TNIK: variants seen among roughly 807,000 people sequenced by gnomAD.
TNIK encodes the protein TRAF2 and NCK-interacting protein kinase.
A neutral mutation model predicts 191.3 loss-of-function variants in TNIK; 49 were observed. The observed-to-expected ratio is 0.26, with a 90% CI of 0.20 to 0.32. TNIK has a LOEUF of 0.32. Ranked by LOEUF, TNIK falls within the 10% of genes least tolerant of loss-of-function variation. The pLI is 1.00. For synonymous variants in TNIK, 594 were observed against 600.9 expected, an observed-to-expected ratio of 0.99 and a Z score of 0.17; for missense variants, 1,155 against 1,702.3, an observed-to-expected ratio of 0.68 and a Z score of 5.66.
intron 1 of TNIK, among the ~76,000 whole-genome samples, chr3:171,417,882 T>C (rs1723289541): frequency 6.6e-6 from 1 of 152,174 alleles, no homozygotes; most frequent in East Asian, 1.9e-4. Flanking sequence ...CCAGATAGAC[T>C]TCAGCCAGTG....
rs988528622 is a variant in TNIK at position 171,094,166 on chromosome 3, G to A, written c.2592-198C>T. On this transcript the variant is annotated intron_variant, in intron 22 of 32. Transcript: ENST00000436636. The stretch of plus-strand genomic sequence containing the variant: ...TTTTTTTTTTTTGAGAAGGAGTCTC[G>A]CCTTGTCGCCCAGGCTGGAGTGCAG... Among the ~76,000 whole-genome samples, 5 of 149,996 alleles carry A rather than the reference G, an allele frequency of 3.3e-5. No individual in the cohort carries two copies. In the East Asian group the frequency reaches 5.8e-4, roughly 18 times the overall value.
At chr3:171,098,491 T>C (rs1723025248) in intron 22 of TNIK, among the ~76,000 whole-genome samples, 1 of 152,172 alleles carries the variant, frequency 6.6e-6, no homozygotes, top group African/African-American at 2.4e-5. Flanking sequence ...GAATACAAAC[T>C]TAGTTAAGTG....
rs1437027084 is a variant in TNIK, at chr3:171,460,167, C to T, written c.-104G>A. On this transcript the variant is annotated 5_prime_UTR_variant, in exon 1 of 33. Transcript: ENST00000436636. This position sits in a 1 kb window ranked among gnomAD's most constrained non-coding sequence, Gnocchi z 6.8. ...CTCGCGTCCTCATGCGGGTGTCGCG[C>T]CAGAGGCCCCGGGCCCAGCCTCCCC... The T allele has an allele frequency of 7.0e-7, 1 of 1,435,658 alleles. No homozygotes were observed. Among genetic ancestry groups the T allele is most frequent in the Non-Finnish European group, 9.5e-7 (1 of 1,053,090 alleles). 88.9% of individuals were successfully genotyped at this position (1,435,658 alleles called of 1,614,324 possible).
intron 5 of TNIK, among the ~76,000 whole-genome samples, chr3:171,193,395 A>T (rs1306412481): frequency 1.3e-5 from 2 of 152,244 alleles, no homozygotes; most frequent in African/African-American, 4.8e-5. Flanking sequence ...CCATGGATCA[A>T]ACTGGGTAGA....
At position 171,268,759 on chromosome 3, in the gene TNIK, T is replaced by C. The variant is rs192538496; in HGVS notation, c.124-40538A>G. ...GGGTGGTGTGCTGCAAGGGAAGGCA[T>C]TGGACAGGCCAGAGGTCCAGGCTCC... On this transcript the variant is annotated intron_variant, in intron 2 of 32. Transcript: ENST00000436636. Among the ~76,000 whole-genome samples, 404 of 152,148 alleles carry C rather than the reference T, an allele frequency of 2.7e-3. 1 individual carries two copies. The highest frequency in any genetic ancestry group is 8.6e-3 in the African/African-American group (359 of 41,508).
chr3:171,271,758 T>C (rs1749129929), intron 2 of TNIK, among the ~76,000 whole-genome samples: 1 of 152,210 alleles, frequency 6.6e-6, no homozygotes, highest in Non-Finnish European at 1.5e-5. Flanking sequence ...TGCTACAACC[T>C]ATTATATATA....
intron 12 of TNIK, among the ~76,000 whole-genome samples, chr3:171,149,608 T>C (rs957308181): frequency 3.9e-5 from 6 of 152,028 alleles, no homozygotes; most frequent in Admixed American, 6.6e-5. Context: ...GGAGGTGGGG[T>C]TCCTTATATC....
intron 1 of TNIK, among the ~76,000 whole-genome samples, chr3:171,398,098 T>C (rs1191395381): frequency 6.6e-6 from 1 of 152,208 alleles, no homozygotes; most frequent in African/African-American, 2.4e-5. Context: ...CAAAACACAA[T>C]TTTCCCATTT....
At chr3:171,454,271 T>C (rs1017685350) in intron 1 of TNIK, among the ~76,000 whole-genome samples, 1 of 152,028 alleles carries the variant, frequency 6.6e-6, no homozygotes, top group Non-Finnish European at 1.5e-5. Flanking sequence ...CCACTATCAC[T>C]GAGAGAAGGA....
intron 2 of TNIK, among the ~76,000 whole-genome samples, chr3:171,344,505 T>G (rs1420372299): frequency 6.6e-6 from 1 of 152,144 alleles, no homozygotes; most frequent in Non-Finnish European, 1.5e-5. Context: ...CATTCAAATT[T>G]GGAAAGCTGT....
At chr3:171,364,000 C>A (rs1404569849) in intron 2 of TNIK, among the ~76,000 whole-genome samples, 4 of 152,238 alleles carry the variant, frequency 2.6e-5, no homozygotes, top group Middle Eastern at 3.4e-3. Context: ...TAAATGATTA[C>A]AAAAAGTATA....
chr3:171,296,126 T>G (rs1752264099), intron 2 of TNIK, among the ~76,000 whole-genome samples: 1 of 152,210 alleles, frequency 6.6e-6, no homozygotes, highest in Non-Finnish European at 1.5e-5. Context: ...ACTCCTCATA[T>G]TTTGTCAGAT....
intron 1 of TNIK, among the ~76,000 whole-genome samples, chr3:171,423,603 C>T (rs895197796): frequency 2.0e-5 from 3 of 152,128 alleles, no homozygotes; most frequent in African/African-American, 7.2e-5. Context: ...CTACAGTAAC[C>T]AAAACAGCAT....
rs762513179 is a variant in TNIK, at chr3:171,085,276, G to A, written c.2887-47C>T. The stretch of plus-strand genomic sequence containing the variant: ...TAAGAAGAGCAGATAAATACTGCAG[G>A]AATAACAATGCTAACAATACTGTGC... On this transcript the variant is annotated intron_variant, in intron 24 of 32. Coordinates refer to ENST00000436636, the MANE Select transcript of TNIK (RefSeq NM_015028.4). 55 of 1,499,394 alleles carry A rather than the reference G, an allele frequency of 3.7e-5. No individual in the cohort carries two copies. The South Asian group carries it at 5.1e-4, about 14-fold the overall frequency. The allele number at this position is 1,499,394 out of a possible 1,614,324, so 92.9% of individuals were successfully genotyped here.
In TNIK at chr3:171,228,204, C is replaced by T. The variant is rs770389607; in HGVS notation, c.141G>A (p.Thr47=). Residue 47 remains threonine, a synonymous_variant, in exon 3 of 33, where the codon ACG becomes ACA. Coordinates refer to ENST00000436636, the MANE Select transcript of TNIK (RefSeq NM_015028.4). The part of the protein sequence containing the change: ...GQVYKGRHVK[T]GQLAAIKVMD... ...TAACCTTGATGGCTGCAAGCTGGCC[C>T]GTTTTGACATGACGACCCTGTGAAG... is the stretch of plus-strand genomic sequence containing the variant. The T allele has an allele frequency of 1.2e-4, 199 of 1,613,334 alleles. No individual in the cohort carries two copies. The highest frequency in any genetic ancestry group is 1.8e-4 in the Admixed American group (11 of 59,974).
chr3:171,107,219 G>T lies in TNIK; in HGVS notation c.2383-13C>A. On this transcript the variant is annotated splice_polypyrimidine_tract_variant and intron_variant, in intron 20 of 32. Transcript: ENST00000436636. ...CTTTTTTGTAGCTCTGAAATGAGAG[G>T]AACCCAATCCAGAAGAATCCACAGA... 6.2e-7 allele frequency: 1 copy of T among 1,610,660 alleles called. No individual in the cohort carries two copies. The highest frequency in any genetic ancestry group is 8.5e-7 in the Non-Finnish European group (1 of 1,178,646).
intron 23 of TNIK, among the ~76,000 whole-genome samples, chr3:171,091,071 G>T (rs926467712): frequency 2.0e-5 from 3 of 152,086 alleles, no homozygotes; most frequent in Non-Finnish European, 4.4e-5. Context: ...TCAGCTCAAG[G>T]TTTGATGATG....
rs558873086 is a variant in TNIK, at chr3:171,061,402, A to G, written c.*2479T>C. On this transcript the variant is annotated 3_prime_UTR_variant, in exon 33 of 33. Coordinates refer to ENST00000436636, the MANE Select transcript of TNIK (RefSeq NM_015028.4). ...AAAAGCTCATGTTCTATGTTATGTC[A>G]CTGTACATACTGTAAACAAGACTGC... The G allele has an allele frequency of 1.1e-3, 171 of 152,284 alleles. 1 individual carries two copies. Among genetic ancestry groups the G allele is most frequent in the African/African-American group, 3.9e-3 (162 of 41,578 alleles). 9.4% of individuals were successfully genotyped at this position (152,284 alleles called of 1,614,324 possible).
chr3:171,229,815 G>T (rs1416360801), intron 2 of TNIK, among the ~76,000 whole-genome samples: 1 of 151,978 alleles, frequency 6.6e-6, no homozygotes, highest in Non-Finnish European at 1.5e-5. Flanking sequence ...GGGACAGTAG[G>T]TCAGTAATCC....
Sources: gnomAD v4.1 joint callset for allele counts (sites outside exome capture counted in the v4.1 genomes callset) on GRCh38, gnomAD v4.1.1 for gene constraint, Gnocchi (gnomAD v3.1) non-coding constraint, MANE v1.5 for transcripts, NCBI Gene and HGNC (gene_info 2026-07-23, HGNC 2026-07-21) for gene names.